Variants in NAA11 observed in about 807,000 individuals in gnomAD.
NAA11 encodes the protein N-alpha-acetyltransferase 11, NatA catalytic subunit, also known as N-alpha-acetyltransferase 11.
NAA11 carries 15 observed loss-of-function variants against 16.1 expected under a neutral mutation model. The observed-to-expected ratio is 0.93, with a 90% CI of 0.62 to 1.44. NAA11 has a LOEUF of 1.44. Among genes scored for constraint, NAA11 ranks in the 40% most tolerant of loss-of-function variants. The pLI, the probability that NAA11 is intolerant of heterozygous loss-of-function variation, is 0.00. For synonymous variants in NAA11, 122 were observed against 112.4 expected (o/e 1.09, Z -0.54); for missense variants, 298 against 291.3 (o/e 1.02, Z -0.17).
intron 2 of NAA11, among the ~76,000 whole-genome samples, chr4:79,285,711 G>T (rs553040320): frequency 6.6e-6 from 1 of 151,966 alleles, no homozygotes; most frequent in East Asian, 1.9e-4. Context: ...ATTATTAAAT[G>T]ATCAAATTTA....
At chr4:79,182,290 C>A in the NAA11 span, among the ~76,000 whole-genome samples, 1 of 152,142 alleles carries the variant, frequency 6.6e-6, no homozygotes, top group Admixed American at 6.5e-5. Flanking sequence ...GTATTCATGG[C>A]AACAATTAAG....
chr4:79,322,005 C>T (rs1376636649), intron 1 of NAA11, among the ~76,000 whole-genome samples: 4 of 152,150 alleles, frequency 2.6e-5, no homozygotes, highest in Admixed American at 6.5e-5. Flanking sequence ...ATCTTTTCCC[C>T]TCTACTCCAC....
intron 2 of NAA11, among the ~76,000 whole-genome samples, chr4:79,281,900 A>G (rs1033569130): frequency 6.6e-6 from 1 of 152,134 alleles, no homozygotes; most frequent in Admixed American, 6.6e-5. Context: ...AACAACAACA[A>G]CAAAATAAGG....
At chr4:79,167,944 C>T in the NAA11 span, among the ~76,000 whole-genome samples, 1 of 151,940 alleles carries the variant, frequency 6.6e-6, no homozygotes, top group Non-Finnish European at 1.5e-5. Context: ...CATAGGTGCA[C>T]CTGTGCCATG....
chr4:79,188,191 A>G, the NAA11 span, among the ~76,000 whole-genome samples: 2 of 152,156 alleles, frequency 1.3e-5, no homozygotes, highest in Non-Finnish European at 1.5e-5. Context: ...TTTGAATACT[A>G]CAAAGTTGTC....
At chr4:79,311,450 A>G (rs1345545295) in intron 1 of NAA11, among the ~76,000 whole-genome samples, 1 of 152,174 alleles carries the variant, frequency 6.6e-6, no homozygotes, top group African/African-American at 2.4e-5. Context: ...TCTTTCATAC[A>G]TTGTCACTCC....
the NAA11 span, among the ~76,000 whole-genome samples, chr4:79,169,303 T>C: frequency 6.6e-6 from 1 of 152,090 alleles, no homozygotes; most frequent in Admixed American, 6.5e-5. Context: ...ACCAAGACAA[T>C]CCTAAGCAAA....
rs530619715 is a variant in NAA11 at position 79,325,271 on chromosome 4, C to G, written c.607G>C (p.Gly203Arg). Residue 203 changes from glycine (G) to arginine (R), a missense_variant, in exon 1 of 2, where the codon GGC becomes CGC. Transcript: ENST00000286794. ...TCCTTAGGTTCTTTGCTGTCACTGC[C>G]ACTTTCTTCGGTAGCCGGGTTCTTT... ...QQKNPATEESGSDSKEPKESV... is the reference protein window; with the variant it reads ...QQKNPATEESRSDSKEPKESV... 3.7e-6 allele frequency: 6 copies of G among 1,613,814 alleles called. No homozygotes were observed. In the Admixed American group the frequency reaches 8.3e-5, roughly 22 times the overall value.
At chr4:79,247,947 T>G (rs142164534) in intron 2 of NAA11, among the ~76,000 whole-genome samples, 4 of 152,246 alleles carry the variant, frequency 2.6e-5, no homozygotes, top group East Asian at 3.9e-4. Context: ...TGCGGGAGTG[T>G]CTGTAGTGGA....
intron 2 of NAA11, among the ~76,000 whole-genome samples, chr4:79,277,066 A>G (rs1722665708): frequency 1.3e-5 from 2 of 152,138 alleles, no homozygotes; most frequent in South Asian, 2.1e-4. Flanking sequence ...AGTTTGCATC[A>G]TGATTAAAAC....
the NAA11 span, among the ~76,000 whole-genome samples, chr4:79,212,970 C>CT: frequency 5.3e-5 from 8 of 152,204 alleles, no homozygotes; most frequent in South Asian, 1.7e-3. Context: ...TTGTAAACTC[C>CT]TTGGAACAGT....
chr4:79,229,507 C>T lies in NAA11; in HGVS notation c.*123-3237G>A, dbSNP rs72869051. ...AACCTGCTCAACATCATCTTAGATA[C>T]ACACGAGTTAAGATTAGTCAATGAA... On this transcript the variant is annotated intron_variant and NMD_transcript_variant, in intron 2 of 2. Coordinates refer to the NAA11 transcript ENST00000511542. Among the ~76,000 whole-genome samples, 853 of 152,010 alleles carry T rather than the reference C, an allele frequency of 5.6e-3. 9 individuals are homozygous for T. Among genetic ancestry groups the T allele is most frequent in the African/African-American group, 0.019 (786 of 41,498 alleles).
the NAA11 span, among the ~76,000 whole-genome samples, chr4:79,182,950 C>T: frequency 6.6e-6 from 1 of 152,108 alleles, no homozygotes; most frequent in Admixed American, 6.5e-5. Context: ...AACTAGTATA[C>T]AAAGCCCTCG....
chr4:79,156,867 C>T, the NAA11 span, among the ~76,000 whole-genome samples: 1 of 152,144 alleles, frequency 6.6e-6, no homozygotes, highest in African/African-American at 2.4e-5. Flanking sequence ...ACTGATTTTT[C>T]ACAACTGTGG....
At chr4:79,162,327 G>A in the NAA11 span, among the ~76,000 whole-genome samples, 8 of 152,200 alleles carry the variant, frequency 5.3e-5, no homozygotes, top group East Asian at 1.9e-4. Flanking sequence ...GTTGAATCCC[G>A]GAGAACTAAA....
intron 2 of NAA11, among the ~76,000 whole-genome samples, chr4:79,280,790 G>C (rs1481696769): frequency 1.3e-5 from 2 of 152,002 alleles, no homozygotes; most frequent in Admixed American, 1.3e-4. Context: ...TAAAATGTGT[G>C]TGCATGAACT....
intron 2 of NAA11, among the ~76,000 whole-genome samples, chr4:79,280,802 G>C (rs1418061284): frequency 6.6e-6 from 1 of 151,956 alleles, no homozygotes; most frequent in Non-Finnish European, 1.5e-5. Flanking sequence ...GCATGAACTG[G>C]ACTGAGTGGA....
chr4:79,219,490 C>A, the NAA11 span, among the ~76,000 whole-genome samples: 45 of 152,268 alleles, frequency 3.0e-4, no homozygotes, highest in African/African-American at 1.0e-3. Flanking sequence ...AACCACTATT[C>A]TCAATCTCCT....
chr4:79,157,558 T>C, the NAA11 span, among the ~76,000 whole-genome samples: 1 of 151,774 alleles, frequency 6.6e-6, no homozygotes, highest in Non-Finnish European at 1.5e-5. Flanking sequence ...TGTACACATA[T>C]GTATATGTAT....
Sources: allele counts gnomAD v4.1 joint callset (sites outside exome capture counted in the v4.1 genomes callset), GRCh38; gene constraint gnomAD v4.1.1; transcripts MANE v1.5; gene names NCBI Gene and HGNC (gene_info 2026-07-23, HGNC 2026-07-21).